The following KCNJ3 variants were observed in gnomAD, a reference collection of about 807,000 sequenced individuals.
KCNJ3 encodes the protein G protein-activated inward rectifier potassium channel 1.
Under a neutral mutation model 39.2 loss-of-function variants are expected in KCNJ3, and 4 were observed. The observed-to-expected ratio is 0.10, with a 90% confidence interval of 0.05 to 0.23. The LOEUF is 0.23. KCNJ3 is among the 10% of genes least tolerant of loss of function. The probability of loss-of-function intolerance (pLI) is 1.00; values close to 1 mark genes in which losing one functional copy is unlikely to be tolerated. For synonymous variants in KCNJ3, 230 were observed against 237.4 expected (o/e 0.97, Z 0.29); for missense variants, 276 against 634.9 (o/e 0.43, Z 6.08).
At chr2:154,771,072 A>G (rs1414670737) in intron 2 of KCNJ3, among the ~76,000 whole-genome samples, 1 of 151,542 alleles carries the variant, frequency 6.6e-6, no homozygotes, top group Non-Finnish European at 1.5e-5. Context: ...GTTATTTTTC[A>G]TAAAGAAGAG....
chr2:154,702,150 T>C (rs1684910627), intron 1 of KCNJ3, among the ~76,000 whole-genome samples: 1 of 152,004 alleles, frequency 6.6e-6, no homozygotes, highest in Admixed American at 6.5e-5. Context: ...TATACATTAT[T>C]CTGATTAAAT....
At chr2:154,845,077 T>C (rs950366345) in intron 2 of KCNJ3, among the ~76,000 whole-genome samples, 3 of 152,164 alleles carry the variant, frequency 2.0e-5, no homozygotes, top group African/African-American at 2.4e-5. Context: ...TATTTGGCCA[T>C]TTTGGAATGC....
intron 2 of KCNJ3, among the ~76,000 whole-genome samples, chr2:154,812,995 TC>T (rs975918319): frequency 2.3e-4 from 35 of 152,292 alleles, no homozygotes; most frequent in African/African-American, 7.7e-4. Flanking sequence ...ACAGGCAGTA[TC>T]CACAGGTAAG....
At chr2:154,850,830 C>G (rs1687746247) in intron 2 of KCNJ3, among the ~76,000 whole-genome samples, 1 of 152,148 alleles carries the variant, frequency 6.6e-6, no homozygotes. Context: ...CATACTTAGT[C>G]TCTTCTGCTA....
At chr2:154,843,617 T>G (rs978832094) in intron 2 of KCNJ3, among the ~76,000 whole-genome samples, 4 of 151,686 alleles carry the variant, frequency 2.6e-5, no homozygotes, top group African/African-American at 9.8e-5. Flanking sequence ...CCCATATTTC[T>G]TGGAGGCTTT....
At chr2:154,809,619 C>T (rs1229242459) in intron 2 of KCNJ3, among the ~76,000 whole-genome samples, 1 of 152,124 alleles carries the variant, frequency 6.6e-6, no homozygotes, top group Non-Finnish European at 1.5e-5. Flanking sequence ...CCTTTATTTA[C>T]CGGTTTTCTA....
chr2:154,795,160 C>G (rs1686700899), intron 2 of KCNJ3, among the ~76,000 whole-genome samples: 1 of 151,912 alleles, frequency 6.6e-6, no homozygotes, highest in Admixed American at 6.6e-5. Flanking sequence ...TTTGAATAAT[C>G]TACTTTTTAA....
intron 2 of KCNJ3, among the ~76,000 whole-genome samples, chr2:154,834,618 AC>A (rs1687417466): frequency 6.6e-6 from 1 of 151,454 alleles, no homozygotes; most frequent in Non-Finnish European, 1.5e-5. Context: ...AATCCCAGCT[AC>A]TCCGGAGGCT....
chr2:154,745,064 G>T (rs1469136418), intron 2 of KCNJ3, among the ~76,000 whole-genome samples: 1 of 151,806 alleles, frequency 6.6e-6, no homozygotes. Flanking sequence ...TTTCTAGTTT[G>T]ATTCCATTGT....
intron 2 of KCNJ3, among the ~76,000 whole-genome samples, chr2:154,836,270 C>A (rs1470996021): frequency 6.6e-6 from 1 of 151,408 alleles, no homozygotes; most frequent in African/African-American, 2.4e-5. Context: ...GAAAATCTAG[C>A]CTGCCTTGGA....
intron 2 of KCNJ3, among the ~76,000 whole-genome samples, chr2:154,796,641 GT>G (rs5835545): frequency 1.3e-5 from 2 of 151,378 alleles, no homozygotes; most frequent in African/African-American, 2.4e-5. Context: ...GTTTTAAAGG[GT>G]TTTTTTTGTG....
chr2:154,721,244 C>T (rs1379890609), intron 2 of KCNJ3, among the ~76,000 whole-genome samples: 1 of 151,878 alleles, frequency 6.6e-6, no homozygotes, highest in Non-Finnish European at 1.5e-5. Context: ...GTGTTTAAAG[C>T]CAGTTTTCTA....
intron 2 of KCNJ3, among the ~76,000 whole-genome samples, chr2:154,822,801 T>C (rs1035374812): frequency 6.6e-6 from 1 of 151,972 alleles, no homozygotes; most frequent in African/African-American, 2.4e-5. Context: ...ATACCAAAAA[T>C]AGTTGAATAA....
chr2:154,702,363 A>T (rs898744569), intron 1 of KCNJ3, among the ~76,000 whole-genome samples: 1 of 151,952 alleles, frequency 6.6e-6, no homozygotes, highest in African/African-American at 2.4e-5. Flanking sequence ...TATTTGCTAA[A>T]TAAAAGCTTC....
intron 2 of KCNJ3, among the ~76,000 whole-genome samples, chr2:154,771,771 C>T (rs984229698): frequency 1.3e-5 from 2 of 152,090 alleles, no homozygotes; most frequent in Admixed American, 6.6e-5. Context: ...TAGACAATAT[C>T]GTTGAGAGAT....
chr2:154,774,736 T>C (rs1473135343), intron 2 of KCNJ3, among the ~76,000 whole-genome samples: 1 of 152,176 alleles, frequency 6.6e-6, no homozygotes, highest in African/African-American at 2.4e-5. Flanking sequence ...CAAAGTTACT[T>C]TTATGAAATC....
At chr2:154,716,042 C>T (rs535737334) in intron 2 of KCNJ3, among the ~76,000 whole-genome samples, 6 of 151,930 alleles carry the variant, frequency 3.9e-5, no homozygotes, top group African/African-American at 1.4e-4. Flanking sequence ...ACCAAGTGCC[C>T]GTTTCCTCAT....
intron 2 of KCNJ3, among the ~76,000 whole-genome samples, chr2:154,833,693 T>C (rs1687401460): frequency 6.6e-6 from 1 of 152,224 alleles, no homozygotes; most frequent in Non-Finnish European, 1.5e-5. Context: ...TTCTATCTAT[T>C]CATCCCTCCG....
At position 154,855,531 on chromosome 2, in the gene KCNJ3, C is replaced by A; in HGVS notation, c.*218C>A. 1 of 446,812 alleles carries A rather than the reference C, an allele frequency of 2.2e-6. No individual in the cohort carries two copies. Among genetic ancestry groups the A allele is most frequent in the Admixed American group, 3.8e-5 (1 of 26,124 alleles). 27.7% of individuals were successfully genotyped at this position (446,812 alleles called of 1,614,324 possible). Reference sequence around the variant, plus strand: ...GAAGTTATTAACGGGCATGTATTATCACATCAAGCATGCAATAATGTGCAA... The same window carrying A: ...GAAGTTATTAACGGGCATGTATTATAACATCAAGCATGCAATAATGTGCAA... On this transcript the variant is annotated 3_prime_UTR_variant, in exon 3 of 3. Coordinates refer to ENST00000295101, the MANE Select transcript of KCNJ3 (RefSeq NM_002239.4).
Sources: allele counts gnomAD v4.1 joint callset (sites outside exome capture counted in the v4.1 genomes callset), GRCh38; gene constraint gnomAD v4.1.1; transcripts MANE v1.5; gene names NCBI Gene and HGNC (gene_info 2026-07-23, HGNC 2026-07-21).